Variants in MROH7 observed in about 807,000 individuals in gnomAD.
MROH7 encodes maestro heat-like repeat-containing protein family member 7.
A neutral mutation model predicts 129.2 loss-of-function variants in MROH7; 113 were observed. That is an observed-to-expected ratio of 0.87 (90% CI 0.75 to 1.02). MROH7 has a LOEUF of 1.02. Among genes scored for constraint, MROH7 ranks in the 50% least tolerant of loss-of-function variants. The pLI is 0.00. For missense variants in MROH7, 1,601 were observed against 1,671.3 expected (o/e 0.96, Z 0.73); for synonymous variants, 655 against 667.9 (o/e 0.98, Z 0.30).
intron 16 of MROH7, 45 bp downstream of exon 16, chr1:54,692,606 AG>A (rs35400685): frequency 6.3e-7 from 1 of 1,590,042 alleles, no homozygotes; most frequent in African/African-American, 1.3e-5. Flanking sequence ...AGGGAGAAAG[AG>A]GGGGACCTCA....
chr1:54,665,343 C>T, intron 4 of MROH7, 103 bp downstream of exon 4: 1 of 757,690 alleles, frequency 1.3e-6, no homozygotes, highest in Non-Finnish European at 2.2e-6. Context: ...CATGCCTCTG[C>T]CCAGCTCTCC....
chr1:54,658,337 G>C (rs952018956), intron 3 of MROH7, among the ~76,000 whole-genome samples: 1 of 152,080 alleles, frequency 6.6e-6, no homozygotes, highest in Non-Finnish European at 1.5e-5. Context: ...TGGTCTATAT[G>C]TCTGTCCTTA....
chr1:54,689,603 C>G (rs1645202505), intron 15 of MROH7, among the ~76,000 whole-genome samples: 1 of 152,172 alleles, frequency 6.6e-6, no homozygotes, highest in South Asian at 2.1e-4. Flanking sequence ...AACAATTACC[C>G]CTGCAAACAG....
Position 54,686,323 on chromosome 1 carries a change from C to T in MROH7, c.2586C>T (p.Tyr862=), listed in dbSNP as rs1422189914. The T allele has an allele frequency of 1.2e-6, 2 of 1,614,172 alleles. No individual in the cohort carries two copies. The highest frequency in any genetic ancestry group is 1.1e-5 in the South Asian group (1 of 91,088). The part of the protein sequence containing the change: ...NSCMGRVRRI[Y]PQLLLALLIQ... ...GCATGGGCCGTGTGAGGCGCATCTACCCTCAGCTGCTCCTGGCCCTGCTCA... is the reference window on the plus strand; with the variant it reads ...GCATGGGCCGTGTGAGGCGCATCTATCCTCAGCTGCTCCTGGCCCTGCTCA... Residue 862 remains tyrosine (Y), a synonymous_variant, in exon 15 of 24, where the codon TAC becomes TAT. Coordinates refer to ENST00000421030, the MANE Select transcript of MROH7 (RefSeq NM_001039464.4).
chr1:54,657,164 C>T (rs1259792908), intron 3 of MROH7, among the ~76,000 whole-genome samples: 1 of 151,478 alleles, frequency 6.6e-6, no homozygotes, highest in Non-Finnish European at 1.5e-5. Context: ...CCTCCTGCCT[C>T]AGCCTCCCAG....
At position 54,692,787 on chromosome 1, in the gene MROH7, A is replaced by G. The variant is rs924691428; in HGVS notation, c.2849+226A>G. Among the ~76,000 whole-genome samples, 55 of 152,260 alleles carry G rather than the reference A, an allele frequency of 3.6e-4. 1 individual carries two copies. Among genetic ancestry groups the G allele is most frequent in the African/African-American group, 1.3e-3 (54 of 41,464 alleles). On this transcript the variant is annotated intron_variant, in intron 16 of 23. Transcript: ENST00000421030. The stretch of plus-strand genomic sequence containing the variant: ...GGTTCCTGGCAATTGTGGAGCACTT[A>G]GACTATCCACAAAGCACCATTCCTT...
In MROH7 at chr1:54,673,200, A is replaced by G. The variant is rs913132810; in HGVS notation, c.1695+14A>G. ...AGCATCTTGGAGGTGCGGAGATGGG[A>G]GGGGCAAGGAAGGGAGGGGAGGAAG... On this transcript the variant is annotated intron_variant, in intron 8 of 23. Transcript: ENST00000421030. 1.3e-6 allele frequency: 2 copies of G among 1,591,906 alleles called. No individual in the cohort carries two copies. Among genetic ancestry groups the G allele is most frequent in the Non-Finnish European group, 1.7e-6 (2 of 1,161,230 alleles).
chr1:54,656,852 T>A (rs1644656911), intron 3 of MROH7, among the ~76,000 whole-genome samples: 1 of 151,842 alleles, frequency 6.6e-6, no homozygotes. Context: ...AAAAGTTTCT[T>A]TTTTTCCAGT....
At chr1:54,701,838 TG>T (rs1645440811) in intron 19 of MROH7, among the ~76,000 whole-genome samples, 3 of 151,808 alleles carry the variant, frequency 2.0e-5, no homozygotes, top group Admixed American at 6.6e-5. Context: ...CCCAAAGTGC[TG>T]GGATTACAGG....
Position 54,665,232 on chromosome 1 carries a change from A to T in MROH7, c.1297A>T (p.Met433Leu). Residue 433 changes from methionine (M) to leucine (L), a missense_variant, in exon 4 of 24, where the codon ATG becomes TTG. Met to Leu is a conservative substitution (Grantham distance 15, BLOSUM62 2). Coordinates refer to ENST00000421030, the MANE Select transcript of MROH7 (RefSeq NM_001039464.4). ...VPEKTEGGNN[M>L]ALVENVTTLQ... ...AGAGAAGACAGAAGGTGGCAACAAC[A>T]TGGCTCTGGTATGCCTCCTGCCCAA... is the stretch of plus-strand genomic sequence containing the variant. 1.2e-6 allele frequency: 2 copies of T among 1,613,646 alleles called. No individual in the cohort carries two copies. Among genetic ancestry groups the T allele is most frequent in the Non-Finnish European group, 1.7e-6 (2 of 1,179,736 alleles).
chr1:54,663,825 T>C (rs893244746), intron 3 of MROH7: 7 of 448,520 alleles, frequency 1.6e-5, no homozygotes, highest in Non-Finnish European at 2.2e-5. Flanking sequence ...CCAAGGAGCC[T>C]TGTTCCTTTT....
At chr1:54,678,686 T>C in intron 10 of MROH7, 56 bp from the exon 11 acceptor site, 2 of 1,231,740 alleles carry the variant, frequency 1.6e-6, no homozygotes, top group Non-Finnish European at 2.4e-6. Flanking sequence ...TTCCTACATG[T>C]ATGTTTAACA....
At chr1:54,667,630 A>G (rs1193865227) in intron 4 of MROH7, among the ~76,000 whole-genome samples, 1 of 151,592 alleles carries the variant, frequency 6.6e-6, no homozygotes, top group Non-Finnish European at 1.5e-5. Flanking sequence ...TAATTTTTGT[A>G]TTTTTAGTAC....
intron 1 of MROH7, among the ~76,000 whole-genome samples, chr1:54,649,553 C>T (rs570987268): frequency 6.6e-6 from 1 of 152,370 alleles, no homozygotes; most frequent in South Asian, 2.1e-4. Context: ...GGTAGGTCAG[C>T]TGGGGTTGAG....
intron 23 of MROH7, 79 bp downstream of exon 23, chr1:54,709,155 G>C (rs1441412624): frequency 1.5e-6 from 2 of 1,361,440 alleles, no homozygotes; most frequent in Non-Finnish European, 2.1e-6. Context: ...ACAGGGAAAG[G>C]GAAGGGATGT....
At chr1:54,683,654 G>A (rs926586817) in intron 14 of MROH7, among the ~76,000 whole-genome samples, 3 of 152,172 alleles carry the variant, frequency 2.0e-5, no homozygotes, top group Non-Finnish European at 4.4e-5. Context: ...TGCATCCCTG[G>A]CCGGCTTCCC....
intron 15 of MROH7, among the ~76,000 whole-genome samples, chr1:54,691,993 A>T (rs1645248176): frequency 6.6e-6 from 1 of 151,386 alleles, no homozygotes; most frequent in East Asian, 2.0e-4. Flanking sequence ...CACTGGCCAG[A>T]GCCCCAGTCT....
At chr1:54,695,693 C>T (rs1645311058) in intron 17 of MROH7, 1 of 623,396 alleles carries the variant, frequency 1.6e-6, no homozygotes, top group Non-Finnish European at 3.0e-6. Context: ...CACTCTTAAC[C>T]AGACTCCCCT....
At chr1:54,647,672 G>A (rs906426415) in intron 1 of MROH7, among the ~76,000 whole-genome samples, 5 of 152,032 alleles carry the variant, frequency 3.3e-5, no homozygotes, top group South Asian at 4.2e-4. Flanking sequence ...CCCAGGAGGC[G>A]GAGGTTGCAG....
Sources: allele counts gnomAD v4.1 joint callset (sites outside exome capture counted in the v4.1 genomes callset), GRCh38; gene constraint gnomAD v4.1.1; transcripts MANE v1.5; gene names NCBI Gene and HGNC (gene_info 2026-07-23, HGNC 2026-07-21).